MYO3B: variants seen among roughly 807,000 people sequenced by gnomAD.
The protein encoded by MYO3B is myosin IIIB, also known as myosin-IIIb.
In MYO3B, 156 loss-of-function variants were observed where a neutral mutation model predicts 174.6. The observed-to-expected ratio is 0.89, with a 90% CI of 0.78 to 1.02. MYO3B has a LOEUF of 1.02. Among genes scored for constraint, MYO3B ranks in the 50% least tolerant of loss-of-function variants. The pLI is 0.00. For missense variants in MYO3B, 1,632 were observed against 1,639.4 expected, an observed-to-expected ratio of 1.00 and a Z score of 0.08; for synonymous variants, 563 against 569.1, an observed-to-expected ratio of 0.99 and a Z score of 0.15.
chr2:170,628,327 G>A (rs545678586), intron 32 of MYO3B, among the ~76,000 whole-genome samples: 2 of 152,344 alleles, frequency 1.3e-5, no homozygotes, highest in African/African-American at 2.4e-5. Context: ...AGGCTCCGTG[G>A]GCATGGGACC....
At chr2:170,515,688 C>T (rs1688260515) in intron 29 of MYO3B, among the ~76,000 whole-genome samples, 1 of 151,982 alleles carries the variant, frequency 6.6e-6, no homozygotes, top group Non-Finnish European at 1.5e-5. Context: ...TCTTTAATGC[C>T]AGCACCTGCA....
intron 32 of MYO3B, among the ~76,000 whole-genome samples, chr2:170,648,560 C>T (rs1178656843): frequency 6.7e-6 from 1 of 149,568 alleles, no homozygotes; most frequent in East Asian, 1.9e-4. Context: ...GAGGCGGAGG[C>T]TACAGTGAGC....
At chr2:170,392,049 G>T (rs1262676707) in intron 15 of MYO3B, among the ~76,000 whole-genome samples, 5 of 151,282 alleles carry the variant, frequency 3.3e-5, no homozygotes, top group Admixed American at 2.6e-4. Flanking sequence ...CTTGAACCTG[G>T]GAGGTCGAGG....
At chr2:170,433,209 C>T (rs868445440) in intron 22 of MYO3B, among the ~76,000 whole-genome samples, 22 of 152,112 alleles carry the variant, frequency 1.4e-4, no homozygotes, top group African/African-American at 3.4e-4. Flanking sequence ...ACATGCTATA[C>T]GGGTTTTTAG....
chr2:170,439,089 T>TG lies in MYO3B; in HGVS notation c.2651-4875dup, dbSNP rs201895788. Among the ~76,000 whole-genome samples the TG allele has an allele frequency of 8.9e-5, 13 of 146,876 alleles. No individual in the cohort carries two copies. The South Asian group carries it at 1.8e-3, about 20-fold the overall frequency. On this transcript the variant is annotated intron_variant, in intron 22 of 34. Transcript: ENST00000408978. ...ATATTTAAATTGTTTTTTTTTTTTT[T>TG]GGGCCAGGCATGATGGCTCACACCT...
intron 25 of MYO3B, among the ~76,000 whole-genome samples, chr2:170,488,298 T>TA (rs1686201020): frequency 1.3e-5 from 2 of 151,004 alleles, no homozygotes; most frequent in Non-Finnish European, 3.0e-5. Context: ...TTTATTTATT[T>TA]TATTCATTTA....
chr2:170,511,348 G>C (rs1192025361), intron 28 of MYO3B, among the ~76,000 whole-genome samples: 1 of 151,714 alleles, frequency 6.6e-6, no homozygotes, highest in Non-Finnish European at 1.5e-5. Context: ...TTACAGGCGT[G>C]AGCCACCGCG....
At chr2:170,247,057 C>T (rs2093198752) in intron 7 of MYO3B, among the ~76,000 whole-genome samples, 1 of 152,306 alleles carries the variant, frequency 6.6e-6, no homozygotes, top group African/African-American at 2.4e-5. Context: ...CTCTCCCTTG[C>T]ACCAGACAGC....
intron 22 of MYO3B, among the ~76,000 whole-genome samples, chr2:170,439,505 G>A (rs1308153079): frequency 6.6e-6 from 1 of 151,910 alleles, no homozygotes; most frequent in African/African-American, 2.4e-5. Context: ...CTATTCCATA[G>A]CTTATCTCTA....
Position 170,444,032 on chromosome 2 carries a change from G to A in MYO3B, c.2716G>A (p.Ala906Thr), listed in dbSNP as rs781597875. The change falls in exon 23 of 35, where the codon GCT (alanine) becomes ACT (threonine). Residue 906 changes from alanine (A) to threonine (T), a missense_variant. Physicochemically the swap from Ala to Thr is moderately conservative, Grantham distance 58. Coordinates refer to ENST00000408978, the MANE Select transcript of MYO3B (RefSeq NM_138995.5). Reference sequence around the variant, plus strand: ...AAGTTCTTTGCCTCCACATTTCAGTGCTGGGAAAGCCAAGGTGAGTAACAG... The same window carrying A: ...AAGTTCTTTGCCTCCACATTTCAGTACTGGGAAAGCCAAGGTGAGTAACAG... Reference protein sequence around the residue: ...ASSSLPPHFSAGKAKVDTLEV... With the variant: ...ASSSLPPHFSTGKAKVDTLEV... 2 of 1,613,000 alleles carry A rather than the reference G, an allele frequency of 1.2e-6. No individual in the cohort carries two copies. Among genetic ancestry groups the A allele is most frequent in the Non-Finnish European group, 1.7e-6 (2 of 1,179,188 alleles).
chr2:170,480,436 T>C (rs571496403), intron 25 of MYO3B, among the ~76,000 whole-genome samples: 62 of 152,224 alleles, frequency 4.1e-4, no homozygotes, highest in Admixed American at 3.4e-3. Context: ...CTTTCCCCGG[T>C]AACTTGCCCT....
At chr2:170,331,826 T>C (rs991098969) in intron 7 of MYO3B, among the ~76,000 whole-genome samples, 13 of 152,214 alleles carry the variant, frequency 8.5e-5, no homozygotes, top group African/African-American at 2.4e-4. Context: ...CCTTGGCTCA[T>C]GGCCACTTCC....
chr2:170,560,743 T>A (rs1446360223), intron 32 of MYO3B, among the ~76,000 whole-genome samples: 2 of 152,150 alleles, frequency 1.3e-5, no homozygotes, highest in East Asian at 1.9e-4. Flanking sequence ...ACACACCCAC[T>A]GTAAATGGCA....
At chr2:170,585,659 C>T (rs905224882) in intron 32 of MYO3B, among the ~76,000 whole-genome samples, 2 of 152,094 alleles carry the variant, frequency 1.3e-5, no homozygotes, top group Non-Finnish European at 2.9e-5. Context: ...TCCAAGTGAT[C>T]AGGACACCTA....
chr2:170,392,871 T>TTTTTTTTC (rs4028285), intron 16 of MYO3B, among the ~76,000 whole-genome samples: 1 of 152,060 alleles, frequency 6.6e-6, no homozygotes, highest in Non-Finnish European at 1.5e-5. Flanking sequence ...GGGTTTTTTT[T>TTTTTTTTC]CTGATTGAGC....
chr2:170,369,416 T>G (rs1185865574), intron 9 of MYO3B, 39 bp downstream of exon 9: 1 of 1,581,888 alleles, frequency 6.3e-7, no homozygotes, highest in Non-Finnish European at 8.6e-7. Context: ...TGTGGTTGTT[T>G]ATAAAAATGT....
chr2:170,222,892 G>T (rs1461184900), intron 6 of MYO3B, among the ~76,000 whole-genome samples: 1 of 152,048 alleles, frequency 6.6e-6, no homozygotes, highest in Non-Finnish European at 1.5e-5. Context: ...AGGGCTGCAG[G>T]TTATAGATGC....
intron 9 of MYO3B, among the ~76,000 whole-genome samples, chr2:170,381,406 A>C (rs555723220): frequency 6.6e-6 from 1 of 152,324 alleles, no homozygotes; most frequent in African/African-American, 2.4e-5. Context: ...ATGGGTATCT[A>C]TAGGCATATG....
rs895645762 is a variant in MYO3B, at chr2:170,654,032, T to C, written c.*911T>C. ...GTATATCTAGTGAATGGAGAATACA[T>C]GGAGAAACTTAACTAAGTTACACAA... On this transcript the variant is annotated 3_prime_UTR_variant, in exon 35 of 35. Coordinates refer to ENST00000408978, the MANE Select transcript of MYO3B (RefSeq NM_138995.5). The C allele has an allele frequency of 3.9e-5, 6 of 152,208 alleles. No individual in the cohort carries two copies. The highest frequency in any genetic ancestry group is 1.4e-4 in the African/African-American group (6 of 41,452). The allele number at this position is 152,208 out of a possible 1,614,324, so 9.4% of individuals were successfully genotyped here.
Sources: allele counts gnomAD v4.1 joint callset (sites outside exome capture counted in the v4.1 genomes callset), GRCh38; gene constraint gnomAD v4.1.1; transcripts MANE v1.5; gene names NCBI Gene and HGNC (gene_info 2026-07-23, HGNC 2026-07-21).